Variants in JAK2 observed in about 807,000 individuals in gnomAD.
JAK2 encodes the protein tyrosine-protein kinase JAK2.
Under a neutral mutation model 139.3 loss-of-function variants are expected in JAK2, and 86 were observed. The observed-to-expected ratio is 0.62, with a 90% CI of 0.52 to 0.74. The LOEUF (loss-of-function observed/expected upper bound fraction) is 0.74, where lower values mean the gene tolerates loss of function less well. Ranked by LOEUF, JAK2 falls within the 30% of genes least tolerant of loss-of-function variation. The probability of loss-of-function intolerance (pLI) is 0.00; values close to 1 mark genes in which losing one functional copy is unlikely to be tolerated. For synonymous variants in JAK2, 490 were observed against 437.7 expected, an observed-to-expected ratio of 1.12 and a Z score of -1.49; for missense variants, 1,421 against 1,360.3, an observed-to-expected ratio of 1.04 and a Z score of -0.70.
rs56691830 is a variant in JAK2 at position 5,103,221 on chromosome 9, C to CAAAAAAAAAAAAA, written c.3059+12332_3059+12344dup. Among the ~76,000 whole-genome samples, 4 of 6,872 alleles carry CAAAAAAAAAAAAA rather than the reference C, an allele frequency of 5.8e-4. 1 individual carries two copies. The highest frequency in any genetic ancestry group is 7.5e-4 in the Non-Finnish European group (3 of 4,008). 4.5% of individuals were successfully genotyped at this position (6,872 alleles called of 152,430 possible). The stretch of plus-strand genomic sequence containing the variant: ...GAAGATCTACCAAGCAAAGGGAAAG[C>CAAAAAAAAAAAAA]AAAAAAAAAAAAAAAAAAAAAAAAA... On this transcript the variant is annotated intron_variant, in intron 22 of 24. Transcript: ENST00000381652.
In JAK2 at chr9:5,078,329, G is replaced by C. The variant is rs2130590032; in HGVS notation, c.2016G>C (p.Gly672=). The change falls in exon 16 of 25, where the codon GGG becomes GGC. Residue 672 remains glycine, a synonymous_variant. Transcript: ENST00000381652. ...AGGAAGAAAACACCCTTATTCATGG[G>C]AATGTATGTGCCAAAAATATTCTGC... is the stretch of plus-strand genomic sequence containing the variant. ...HFLEENTLIH[G]NVCAKNILLI... 2 of 1,612,252 alleles carry C rather than the reference G, an allele frequency of 1.2e-6. No individual in the cohort carries two copies. The highest frequency in any genetic ancestry group is 1.7e-6 in the Non-Finnish European group (2 of 1,178,706).
At chr9:5,001,621 T>G (rs1820932174) in intron 2 of JAK2, among the ~76,000 whole-genome samples, 1 of 143,532 alleles carries the variant, frequency 7.0e-6, no homozygotes, top group Non-Finnish European at 1.5e-5. Context: ...AACATTTGCC[T>G]GTAATTTTTT....
chr9:5,080,146 T>A, intron 16 of JAK2, 83 bp from the exon 17 acceptor site: 2 of 1,090,478 alleles, frequency 1.8e-6, no homozygotes, highest in Non-Finnish European at 2.6e-6. Context: ...ATTCAAATGA[T>A]TTGAACTTTA....
chr9:5,078,358 T>C lies in JAK2; in HGVS notation c.2045T>C (p.Ile682Thr). 6.2e-7 allele frequency: 1 copy of C among 1,612,624 alleles called. No homozygotes were observed. The change falls in exon 16 of 25, where the codon ATC becomes ACC. Residue 682 changes from isoleucine (I) to threonine (T), a missense_variant. Coordinates refer to ENST00000381652, the MANE Select transcript of JAK2 (RefSeq NM_004972.4). The stretch of plus-strand genomic sequence containing the variant: ...GTATGTGCCAAAAATATTCTGCTTA[T>C]CAGAGAAGAAGACAGGAAGACAGGA... ...GNVCAKNILLIREEDRKTGNP... is the reference protein window; with the variant it reads ...GNVCAKNILLTREEDRKTGNP...
intron 14 of JAK2, 35 bp downstream of exon 14, chr9:5,073,820 C>T (rs755212421): frequency 1.5e-6 from 2 of 1,311,172 alleles, no homozygotes; most frequent in South Asian, 2.5e-5. Context: ...ATGCCTTTCT[C>T]AGAGCATCTG....
chr9:5,128,080 T>TTGTGTGTGTGTGTGTG lies in JAK2; in HGVS notation c.*1315_*1330dup, dbSNP rs139964957. ...TAGCTAAAATAAAATATGGTGGGTTTTGTGTGTGTGTGTGTGTGTGTGTGT... is the reference window on the plus strand; with the variant it reads ...TAGCTAAAATAAAATATGGTGGGTTTTGTGTGTGTGTGTGTGTGTGTGTGTGTGTGTGTGTGTGTGT... On this transcript the variant is annotated 3_prime_UTR_variant, in exon 25 of 25. Coordinates refer to ENST00000381652, the MANE Select transcript of JAK2 (RefSeq NM_004972.4). 9.3e-5 allele frequency: 21 copies of TTGTGTGTGTGTGTGTG among 224,692 alleles called. No individual in the cohort carries two copies. Among genetic ancestry groups the TTGTGTGTGTGTGTGTG allele is most frequent in the African/African-American group, 4.2e-4 (18 of 43,174 alleles). 13.9% of individuals were successfully genotyped at this position (224,692 alleles called of 1,614,324 possible). A position where few individuals can be genotyped will look rare whatever the true frequency, so the allele number is the denominator to read the frequency against.
At chr9:5,007,990 A>G (rs374125322) in intron 2 of JAK2, among the ~76,000 whole-genome samples, 1 of 152,090 alleles carries the variant, frequency 6.6e-6, no homozygotes, top group Non-Finnish European at 1.5e-5. Flanking sequence ...CGGCCTCCCA[A>G]AGTGCTGGGA....
At chr9:5,027,134 A>C (rs1253153928) in intron 3 of JAK2, among the ~76,000 whole-genome samples, 1 of 152,250 alleles carries the variant, frequency 6.6e-6, no homozygotes, top group Non-Finnish European at 1.5e-5. Context: ...AGGACAACTG[A>C]AGAAACCAGA....
chr9:5,031,383 A>G (rs1413489019), intron 4 of JAK2, among the ~76,000 whole-genome samples: 1 of 152,222 alleles, frequency 6.6e-6, no homozygotes, highest in African/African-American at 2.4e-5. Flanking sequence ...AATAATGAGA[A>G]TGATGGGGCC....
intron 8 of JAK2, among the ~76,000 whole-genome samples, chr9:5,062,200 G>T (rs1818226188): frequency 6.6e-6 from 1 of 151,878 alleles, no homozygotes; most frequent in African/African-American, 2.4e-5. Flanking sequence ...TATGTGTAGG[G>T]CTGACATTTT....
chr9:5,065,629 A>T (rs1454425268), intron 9 of JAK2, among the ~76,000 whole-genome samples: 2 of 152,230 alleles, frequency 1.3e-5, no homozygotes, highest in Non-Finnish European at 2.9e-5. Context: ...TTAAATAGCT[A>T]CATGTGGCTA....
At chr9:5,057,501 A>G (rs1156873254) in intron 8 of JAK2, among the ~76,000 whole-genome samples, 2 of 151,940 alleles carry the variant, frequency 1.3e-5, no homozygotes, top group East Asian at 3.8e-4. Flanking sequence ...TTTATCTTGC[A>G]AAATTGAAGT....
At chr9:5,074,684 A>G (rs190570563) in intron 14 of JAK2, among the ~76,000 whole-genome samples, 3 of 152,352 alleles carry the variant, frequency 2.0e-5, no homozygotes, top group East Asian at 3.9e-4. Context: ...AGGCCATTTA[A>G]TAATCACACA....
At chr9:5,004,638 A>C (rs554532422) in intron 2 of JAK2, among the ~76,000 whole-genome samples, 2 of 152,268 alleles carry the variant, frequency 1.3e-5, no homozygotes, top group East Asian at 3.9e-4. Flanking sequence ...TTTTAGTTCC[A>C]ATACCCAGAA....
chr9:5,086,872 G>A (rs1038278536), intron 19 of JAK2, among the ~76,000 whole-genome samples: 18 of 152,084 alleles, frequency 1.2e-4, no homozygotes, highest in Admixed American at 9.8e-4. Context: ...TGTATCAAGC[G>A]CGTTTAAATG....
At chr9:5,114,054 TC>T in intron 22 of JAK2, 1 of 329,342 alleles carries the variant, frequency 3.0e-6, no homozygotes, top group Non-Finnish European at 6.1e-6. Flanking sequence ...TGAGCTGGCC[TC>T]CACACAAAGC....
intron 17 of JAK2, 28 bp downstream of exon 17, chr9:5,080,408 T>C (rs1395028784): frequency 1.1e-5 from 17 of 1,578,722 alleles, no homozygotes; most frequent in Middle Eastern, 3.4e-4. Context: ...AAGTTAGAAT[T>C]ACTCTATCTC....
intron 22 of JAK2, among the ~76,000 whole-genome samples, chr9:5,107,396 T>C (rs1306536812): frequency 3.3e-5 from 5 of 152,108 alleles, no homozygotes; most frequent in Non-Finnish European, 7.4e-5. Flanking sequence ...TTCTTCCTAG[T>C]AGCCAACACA....
chr9:5,072,921 T>C (rs1207411676), intron 13 of JAK2, among the ~76,000 whole-genome samples: 1 of 151,968 alleles, frequency 6.6e-6, no homozygotes, highest in Non-Finnish European at 1.5e-5. Flanking sequence ...CTTTATGGGT[T>C]ACACAGAGGC....
Sources: gnomAD v4.1 joint callset for allele counts (sites outside exome capture counted in the v4.1 genomes callset) on GRCh38, gnomAD v4.1.1 for gene constraint, MANE v1.5 for transcripts, NCBI Gene and HGNC (gene_info 2026-07-23, HGNC 2026-07-21) for gene names.